Variants in ZNF850 observed in about 807,000 individuals in gnomAD.
ZNF850 encodes zinc finger protein 850.
A neutral mutation model predicts 11.9 loss-of-function variants in ZNF850; 2 were observed. That is an observed-to-expected ratio of 0.17 (90% CI 0.07 to 0.53). ZNF850 has a LOEUF of 0.53. Ranked by LOEUF, ZNF850 falls within the 20% of genes least tolerant of loss-of-function variation. ZNF850 has a pLI of 0.94. For synonymous variants in ZNF850, 381 were observed against 443.0 expected (o/e 0.86, Z 1.76); for missense variants, 1,014 against 1,316.4 (o/e 0.77, Z 3.55).
intron 4 of ZNF850, among the ~76,000 whole-genome samples, chr19:36,758,907 T>G (rs939088016): frequency 8.2e-6 from 1 of 121,798 alleles, no homozygotes; most frequent in Non-Finnish European, 1.7e-5. Context: ...TGAAACCCCA[T>G]CTCAACTAAA....
intron 4 of ZNF850, among the ~76,000 whole-genome samples, chr19:36,761,397 C>G (rs2040517126): frequency 6.6e-6 from 1 of 151,902 alleles, no homozygotes; most frequent in Non-Finnish European, 1.5e-5. Context: ...CGAGATCATG[C>G]CACTGCACTC....
At chr19:36,755,606 A>G (rs1370933167) in intron 4 of ZNF850, among the ~76,000 whole-genome samples, 1 of 152,064 alleles carries the variant, frequency 6.6e-6, no homozygotes, top group Non-Finnish European at 1.5e-5. Flanking sequence ...AAAAGCAAAG[A>G]CAAAACCTCT....
At chr19:36,769,261 C>CAAAA (rs74174432) in intron 1 of ZNF850, among the ~76,000 whole-genome samples, 6 of 51,520 alleles carry the variant, frequency 1.2e-4, no homozygotes, top group African/African-American at 5.3e-4. Context: ...AAGACTGTCT[C>CAAAA]AAAAAAAAAA....
At chr19:36,763,676 C>A (rs540018201) in intron 1 of ZNF850, among the ~76,000 whole-genome samples, 1 of 152,156 alleles carries the variant, frequency 6.6e-6, no homozygotes, top group Non-Finnish European at 1.5e-5. Context: ...CACCTGTAAT[C>A]ACAGCACTTT....
rs183480371 is a variant in ZNF850, at chr19:36,756,604, C to A, written c.235+5039G>T. On this transcript the variant is annotated intron_variant, in intron 4 of 4. Coordinates refer to ENST00000591344, the MANE Select transcript of ZNF850 (RefSeq NM_001193552.2). ...CATAATATCCCATTATGTGGATATA[C>A]CATAATGTCACATTTTTTTTCCCCC... is the stretch of plus-strand genomic sequence containing the variant. Among the ~76,000 whole-genome samples the A allele has an allele frequency of 1.5e-3, 232 of 152,210 alleles. 2 individuals carry two copies. Among genetic ancestry groups the A allele is most frequent in the African/African-American group, 5.3e-3 (222 of 41,542 alleles).
intron 4 of ZNF850, among the ~76,000 whole-genome samples, chr19:36,753,946 A>T (rs1568735419): frequency 6.6e-6 from 1 of 152,124 alleles, no homozygotes; most frequent in Non-Finnish European, 1.5e-5. Flanking sequence ...AATCTAAAAC[A>T]GTGTAAAATA....
Position 36,747,670 on chromosome 19 carries a change from GTGAATA to G in ZNF850, c.*91_*96del. 8.0e-6 allele frequency: 9 copies of G among 1,124,008 alleles called. No homozygotes were observed. Among genetic ancestry groups the G allele is most frequent in the Non-Finnish European group, 1.1e-5 (9 of 835,454 alleles). The allele number at this position is 1,124,008 out of a possible 1,614,324, so 69.6% of individuals were successfully genotyped here. On this transcript the variant is annotated 3_prime_UTR_variant, in exon 5 of 5. Coordinates refer to ENST00000591344, the MANE Select transcript of ZNF850 (RefSeq NM_001193552.2). ...AAAAAAAGTCGTAATTCTGGAAAAAGTGAATATGAAGTAATACACATCCATTGTATT... is the reference window on the plus strand; with the variant it reads ...AAAAAAAGTCGTAATTCTGGAAAAAGTGAAGTAATACACATCCATTGTATT...
chr19:36,748,616 A>C lies in ZNF850; in HGVS notation c.2424T>G (p.Thr808=), dbSNP rs2040428904. The change falls in exon 5 of 5, where the codon ACT becomes ACG. Residue 808 remains threonine, a synonymous_variant. Transcript: ENST00000591344. ...STLIQHQPLH[T]GEKPYHCKEC... ...CCTTGCAATGATAAGGTTTCTCACC[A>C]GTGTGAAGTGGCTGATGTTGAATTA... 6.5e-7 allele frequency: 1 copy of C among 1,537,274 alleles called. No homozygotes were observed. Among genetic ancestry groups the C allele is most frequent in the Non-Finnish European group, 8.7e-7 (1 of 1,146,946 alleles).
intron 1 of ZNF850, among the ~76,000 whole-genome samples, chr19:36,772,007 CTT>C (rs1022804292): frequency 7.2e-5 from 11 of 152,312 alleles, no homozygotes; most frequent in African/African-American, 2.2e-4. Flanking sequence ...AACTCTCTCT[CTT>C]TCTTTAACCC....
chr19:36,752,152 A>G (rs1470889063), intron 4 of ZNF850, among the ~76,000 whole-genome samples: 1 of 152,216 alleles, frequency 6.6e-6, no homozygotes, highest in Admixed American at 6.5e-5. Context: ...ATTTTTAAAA[A>G]ATACTATACA....
At chr19:36,754,922 G>A (rs2145960022) in intron 4 of ZNF850, among the ~76,000 whole-genome samples, 1 of 152,194 alleles carries the variant, frequency 6.6e-6, no homozygotes, top group Non-Finnish European at 1.5e-5. Flanking sequence ...AATATAAAAG[G>A]ATACAGAGGA....
In ZNF850 at chr19:36,747,772, T is replaced by C; in HGVS notation, c.3268A>G (p.Thr1090Ala). 1 of 1,506,748 alleles carries C rather than the reference T, an allele frequency of 6.6e-7. No individual in the cohort carries two copies. The highest frequency in any genetic ancestry group is 1.3e-5 in the South Asian group (1 of 79,728). 93.3% of individuals were successfully genotyped at this position (1,506,748 alleles called of 1,614,324 possible). Residue 1090 changes from threonine to alanine, a missense_variant, in exon 5 of 5, where the codon ACA becomes GCA. Transcript: ENST00000591344. ...AGAACAGTTTCCTACATTAATTATG[T>C]TAGGTCATGAATTCTCTGATGTCGA... ...LTRHQRIHDL[T>A]
chr19:36,751,372 C>T (rs1165062955), intron 4 of ZNF850, among the ~76,000 whole-genome samples: 2 of 151,846 alleles, frequency 1.3e-5, no homozygotes, highest in Admixed American at 1.3e-4. Flanking sequence ...GTTAGCCTAG[C>T]CAAGATCCTA....
chr19:36,765,971 C>T (rs1600616216), intron 1 of ZNF850, among the ~76,000 whole-genome samples: 1 of 152,074 alleles, frequency 6.6e-6, no homozygotes. Context: ...TCACTGCAAC[C>T]TCTGCCTCCT....
In ZNF850 at chr19:36,762,615, C is replaced by T. The variant is rs532152994; in HGVS notation, c.-9G>A. 2.3e-5 allele frequency: 36 copies of T among 1,535,904 alleles called. No individual in the cohort carries two copies. The Admixed American group carries it at 5.5e-4, about 23-fold the overall frequency. On this transcript the variant is annotated 5_prime_UTR_variant, in exon 2 of 5. Transcript: ENST00000591344. ...AGTACCTCCATGTTCATGAATATTCCTGTTGCAGCCAGCAAACCTCCTTCA... is the reference window on the plus strand; with the variant it reads ...AGTACCTCCATGTTCATGAATATTCTTGTTGCAGCCAGCAAACCTCCTTCA...
intron 4 of ZNF850, among the ~76,000 whole-genome samples, chr19:36,757,191 C>T (rs1024122612): frequency 1.3e-5 from 2 of 151,968 alleles, no homozygotes; most frequent in African/African-American, 4.8e-5. Context: ...GGCAGGGGTC[C>T]GTTGGGATAT....
rs1454504559 is a variant in ZNF850 at position 36,750,418 on chromosome 19, G to A, written c.622C>T (p.His208Tyr). Residue 208 changes from histidine (H) to tyrosine (Y), a missense_variant, in exon 5 of 5, where the codon CAC becomes TAC. Physicochemically the swap from His to Tyr is moderately conservative, Grantham distance 83. Around this residue, in one of 2 missense-constraint regions of ZNF850, gnomAD observed 835 missense variants for 1,022.0 expected, o/e 0.82. Coordinates refer to ENST00000591344, the MANE Select transcript of ZNF850 (RefSeq NM_001193552.2). Reference protein sequence around the residue: ...KCKECGKAFHHFSYLVKHQRI... With the variant: ...KCKECGKAFHYFSYLVKHQRI... Reference sequence around the variant, plus strand: ...TGATGTTTAACAAGATAGGAAAAGTGATGAAAGGCCTTCCCACACTCCTTA... The same window carrying A: ...TGATGTTTAACAAGATAGGAAAAGTAATGAAAGGCCTTCCCACACTCCTTA... 1 of 1,536,638 alleles carries A rather than the reference G, an allele frequency of 6.5e-7. No homozygotes were observed. Among genetic ancestry groups the A allele is most frequent in the Non-Finnish European group, 8.7e-7 (1 of 1,146,968 alleles).
In ZNF850 at chr19:36,748,453, GA is replaced by G; in HGVS notation, c.2586del (p.His863ThrfsTer22). 1 of 1,553,894 alleles carries G rather than the reference GA, an allele frequency of 6.4e-7. No individual in the cohort carries two copies. Among genetic ancestry groups the G allele is most frequent in the Non-Finnish European group, 8.7e-7 (1 of 1,154,790 alleles). On this transcript the variant is annotated frameshift_variant, in exon 5 of 5. Transcript: ENST00000591344. LOFTEE classifies it low-confidence loss of function (END_TRUNC). ...CAATGATAGGGTTTCTCACCAGTGTGAATTCGCTGATGTTCAATTAGTGTTG... is the reference window on the plus strand; with the variant it reads ...CAATGATAGGGTTTCTCACCAGTGTGATTCGCTGATGTTCAATTAGTGTTG... ...SRSTLIEHQRIHTGEKPYHCK... is the reference protein window; with the variant it reads ...SRSTLIEHQRXHTGEKPYHCK...
At chr19:36,760,538 ATGATTTTTTTTTTAAGT>A (rs2040511785) in intron 4 of ZNF850, among the ~76,000 whole-genome samples, 1 of 151,956 alleles carries the variant, frequency 6.6e-6, no homozygotes, top group Non-Finnish European at 1.5e-5. Context: ...AGAAGGCTTT[ATGATTTTTTTTTTAAGT>A]CAATAAATTT....
Sources: gnomAD v4.1 joint callset for allele counts (sites outside exome capture counted in the v4.1 genomes callset) on GRCh38, gnomAD v4.1.1 for gene constraint, gnomAD v4.1.1 regional missense constraint, MANE v1.5 for transcripts, NCBI Gene and HGNC (gene_info 2026-07-23, HGNC 2026-07-21) for gene names.